Variants in SV2B observed in about 807,000 individuals in gnomAD.
SV2B encodes solute carrier family 22 member B2.
SV2B carries 41 observed loss-of-function variants against 73.9 expected under a neutral mutation model. That is an observed-to-expected ratio of 0.56 (90% CI 0.43 to 0.72). The LOEUF is 0.72. Among genes scored for constraint, SV2B ranks in the 30% least tolerant of loss-of-function variants. The pLI is 0.00. For synonymous variants in SV2B, 314 were observed against 314.2 expected (o/e 1.00, Z 0.01); for missense variants, 764 against 857.8 (o/e 0.89, Z 1.37).
chr15:91,169,287 A>G (rs1188106072), intron 1 of SV2B, among the ~76,000 whole-genome samples: 1 of 152,130 alleles, frequency 6.6e-6, no homozygotes, highest in Non-Finnish European at 1.5e-5. Context: ...AGGCTTGTGC[A>G]ATAATGTCTT....
At chr15:91,182,690 G>T (rs1182492887) in intron 1 of SV2B, among the ~76,000 whole-genome samples, 2 of 152,148 alleles carry the variant, frequency 1.3e-5, no homozygotes, top group East Asian at 3.8e-4. Context: ...TATTCCAAGA[G>T]TCTGTTCTTA....
chr15:91,214,837 G>A lies in SV2B; in HGVS notation c.-391-11036G>A, dbSNP rs942174285. Among the ~76,000 whole-genome samples, 4 of 152,118 alleles carry A rather than the reference G, an allele frequency of 2.6e-5. No homozygotes were observed. The highest frequency in any genetic ancestry group is 9.7e-5 in the African/African-American group (4 of 41,414). ...GGCTATAGCCACAGTGGTTCTCCTC[G>A]TTCTTTCTGCTCCTCAATGCTGCCT... On this transcript the variant is annotated intron_variant, in intron 1 of 12. Transcript: ENST00000394232. The surrounding 1 kb of genome is among the most constrained non-coding windows in gnomAD (Gnocchi z 4.7).
rs987181314 is a variant in SV2B, at chr15:91,232,552, G to C, written c.451+5838G>C. 9.9e-5 allele frequency among the ~76,000 whole-genome samples: 15 copies of C among 152,120 alleles called. No individual in the cohort carries two copies. The highest frequency in any genetic ancestry group is 3.4e-4 in the African/African-American group (14 of 41,410). On this transcript the variant is annotated intron_variant, in intron 2 of 12. Coordinates refer to ENST00000394232, the MANE Select transcript of SV2B (RefSeq NM_001323032.3). This position sits in a 1 kb window ranked among gnomAD's most constrained non-coding sequence, Gnocchi z 4.7. ...ATGATCACTCTGCCCCAGTGATTTT[G>C]GTACTGAGAGTGCTTCTAGAGGAGC... is the stretch of plus-strand genomic sequence containing the variant.
chr15:91,196,999 C>T (rs1409272035), intron 1 of SV2B, among the ~76,000 whole-genome samples: 3 of 152,190 alleles, frequency 2.0e-5, no homozygotes, highest in Non-Finnish European at 4.4e-5. Context: ...TTTATACCCA[C>T]TTCCAGGGCC....
At chr15:91,193,550 A>T (rs1005709528) in intron 1 of SV2B, among the ~76,000 whole-genome samples, 2 of 152,198 alleles carry the variant, frequency 1.3e-5, no homozygotes, top group African/African-American at 4.8e-5. Flanking sequence ...CAGATCTCAG[A>T]GTGGGCCCCC....
At chr15:91,215,858 C>T (rs1366405661) in intron 1 of SV2B, among the ~76,000 whole-genome samples, 1 of 152,018 alleles carries the variant, frequency 6.6e-6, no homozygotes, top group Non-Finnish European at 1.5e-5. Flanking sequence ...TATTGTTCTG[C>T]ATTTGTATTT....
At chr15:91,142,287 G>T in intron 1 of SV2B, among the ~76,000 whole-genome samples, 1 of 152,038 alleles carries the variant, frequency 6.6e-6, no homozygotes. Flanking sequence ...TACCTCTTTT[G>T]CTACCTTTTC....
chr15:91,223,423 C>G lies in SV2B; in HGVS notation c.-391-2450C>G, dbSNP rs1040732400. On this transcript the variant is annotated intron_variant, in intron 1 of 12. Coordinates refer to ENST00000394232, the MANE Select transcript of SV2B (RefSeq NM_001323032.3). This position sits in a 1 kb window ranked among gnomAD's most constrained non-coding sequence, Gnocchi z 4.6. ...TTGACATTCACAGCAGGTCTTTTAACTGAATCAGGTGAGTGGAGTTAGTTT... is the reference window on the plus strand; with the variant it reads ...TTGACATTCACAGCAGGTCTTTTAAGTGAATCAGGTGAGTGGAGTTAGTTT... Among the ~76,000 whole-genome samples, 4 of 152,196 alleles carry G rather than the reference C, an allele frequency of 2.6e-5. No homozygotes were observed. Among genetic ancestry groups the G allele is most frequent in the African/African-American group, 9.6e-5 (4 of 41,454 alleles).
In SV2B at chr15:91,265,619, G is replaced by A. The variant is rs114793459; in HGVS notation, c.1009-963G>A. On this transcript the variant is annotated intron_variant, in intron 6 of 12. Coordinates refer to ENST00000394232, the MANE Select transcript of SV2B (RefSeq NM_001323032.3). This position sits in a 1 kb window ranked among gnomAD's most constrained non-coding sequence, Gnocchi z 4.2. Reference sequence around the variant, plus strand: ...GCTGGGGGTCATAACATCCATGAAGGTACTGAATAGCTTGAAGCCCAGCTG... The same window carrying A: ...GCTGGGGGTCATAACATCCATGAAGATACTGAATAGCTTGAAGCCCAGCTG... Among the ~76,000 whole-genome samples, 670 of 152,298 alleles carry A rather than the reference G, an allele frequency of 4.4e-3. 2 individuals are homozygous for A. Among genetic ancestry groups the A allele is most frequent in the African/African-American group, 0.015 (638 of 41,548 alleles).
rs754585291 is a variant in SV2B, at chr15:91,201,647, C to T, written c.-391-24226C>T. On this transcript the variant is annotated intron_variant, in intron 1 of 12. Coordinates refer to ENST00000394232, the MANE Select transcript of SV2B (RefSeq NM_001323032.3). The stretch of plus-strand genomic sequence containing the variant: ...TCCCACAGGCCTTTTCATCTCAGTT[C>T]ATGGCAAATCCATCCTTCCAACTGC... Among the ~76,000 whole-genome samples the T allele has an allele frequency of 1.1e-3, 162 of 152,254 alleles. 1 individual carries two copies. Among genetic ancestry groups the T allele is most frequent in the Non-Finnish European group, 2.2e-4 (15 of 68,046 alleles).
chr15:91,135,488 C>T (rs1160610503), intron 1 of SV2B, among the ~76,000 whole-genome samples: 6 of 152,186 alleles, frequency 3.9e-5, no homozygotes, highest in African/African-American at 1.4e-4. Context: ...CTTCATGGTA[C>T]ATTATCTCTG....
At chr15:91,176,975 G>A (rs561727280) in intron 1 of SV2B, among the ~76,000 whole-genome samples, 139 of 152,182 alleles carry the variant, frequency 9.1e-4, no homozygotes, top group Middle Eastern at 3.4e-3. Flanking sequence ...CCATGCCTAC[G>A]TCCTGAATGG....
At chr15:91,159,680 A>C (rs2043641032) in intron 1 of SV2B, among the ~76,000 whole-genome samples, 2 of 152,238 alleles carry the variant, frequency 1.3e-5, no homozygotes, top group South Asian at 4.1e-4. Flanking sequence ...ATCATTTGAC[A>C]AAATTTTGAA....
At chr15:91,174,904 G>T (rs1321603891) in intron 1 of SV2B, among the ~76,000 whole-genome samples, 2 of 152,164 alleles carry the variant, frequency 1.3e-5, no homozygotes, top group African/African-American at 4.8e-5. Context: ...TCTTGGTCTG[G>T]GGTCCGGGAG....
Position 91,268,463 on chromosome 15 carries a change from T to C in SV2B, c.1231T>C (p.Phe411Leu), listed in dbSNP as rs757571456. The C allele has an allele frequency of 3.7e-5, 59 of 1,613,762 alleles. No individual in the cohort carries two copies. The highest frequency in any genetic ancestry group is 3.2e-4 in the Admixed American group (19 of 59,994). ...CAGTTACTATGGACTGACAGTTTGGTTTCCTGATATGATCCGCTATTTTCA... is the reference window on the plus strand; with the variant it reads ...CAGTTACTATGGACTGACAGTTTGGCTTCCTGATATGATCCGCTATTTTCA... ...AFSYYGLTVW[F>L]PDMIRYFQDE... Residue 411 changes from phenylalanine (F) to leucine (L), a missense_variant, in exon 9 of 13, where the codon TTT (phenylalanine) becomes CTT (leucine). Physicochemically the swap from Phe to Leu is conservative, Grantham distance 22. Transcript: ENST00000394232. This position sits in a 1 kb window ranked among gnomAD's most constrained non-coding sequence, Gnocchi z 4.4.
At chr15:91,198,432 G>A (rs2045332827) in intron 1 of SV2B, among the ~76,000 whole-genome samples, 1 of 146,420 alleles carries the variant, frequency 6.8e-6, no homozygotes, top group Non-Finnish European at 1.5e-5. Flanking sequence ...ACAGCTTTTG[G>A]TTTTCAGCCA....
At chr15:91,285,033 C>T (rs1274802533) in intron 11 of SV2B, among the ~76,000 whole-genome samples, 2 of 152,084 alleles carry the variant, frequency 1.3e-5, no homozygotes, top group African/African-American at 2.4e-5. Context: ...TAGGGACCTG[C>T]GTTAGGGTTG....
intron 1 of SV2B, among the ~76,000 whole-genome samples, chr15:91,148,155 A>G (rs958526058): frequency 2.0e-5 from 3 of 151,000 alleles, no homozygotes; most frequent in Non-Finnish European, 3.0e-5. Context: ...TAATTTTTGT[A>G]TTTTTAGTAG....
At chr15:91,202,744 T>A (rs2045505254) in intron 1 of SV2B, among the ~76,000 whole-genome samples, 1 of 152,022 alleles carries the variant, frequency 6.6e-6, no homozygotes, top group Non-Finnish European at 1.5e-5. Flanking sequence ...GGGGCTACAG[T>A]CTCAACACTC....
Sources: allele counts gnomAD v4.1 joint callset (sites outside exome capture counted in the v4.1 genomes callset), GRCh38; gene constraint gnomAD v4.1.1; non-coding constraint Gnocchi (gnomAD v3.1); transcripts MANE v1.5; gene names NCBI Gene and HGNC (gene_info 2026-07-23, HGNC 2026-07-21).